CIC: variants seen among roughly 807,000 people sequenced by gnomAD.
CIC encodes the protein capicua transcriptional repressor, also known as protein capicua homolog.
In CIC, 18 loss-of-function variants were observed where a neutral mutation model predicts 115.7. The observed-to-expected ratio is 0.16, with a 90% CI of 0.11 to 0.23. The LOEUF (loss-of-function observed/expected upper bound fraction) is 0.23. CIC is among the 10% of genes least tolerant of loss of function. The pLI is 1.00. For missense variants in CIC, 2,000 were observed against 2,159.3 expected, an observed-to-expected ratio of 0.93 and a Z score of 1.46; for synonymous variants, 1,076 against 923.0, an observed-to-expected ratio of 1.17 and a Z score of -3.01.
rs2147086969 is a variant in CIC at position 42,280,726 on chromosome 19, G to A, written c.2795-6045G>A. ...TTGTGGAGCCTGCCGGGGGTTGGCTGGGGGCCAGGCGGCGAGTGGAAAATC... is the reference window on the plus strand; with the variant it reads ...TTGTGGAGCCTGCCGGGGGTTGGCTAGGGGCCAGGCGGCGAGTGGAAAATC... On this transcript the variant is annotated intron_variant, in intron 2 of 20. Coordinates refer to ENST00000681038, the MANE Select transcript of CIC (RefSeq NM_001386298.1). The surrounding 1 kb of genome is among the most constrained non-coding windows in gnomAD (Gnocchi z 4.9). Among the ~76,000 whole-genome samples, 1 of 152,190 alleles carries A rather than the reference G, an allele frequency of 6.6e-6. No individual in the cohort carries two copies. The highest frequency in any genetic ancestry group is 1.5e-5 in the Non-Finnish European group (1 of 67,982).
intron 2 of CIC, 37 bp downstream of exon 2, chr19:42,274,614 C>A (rs1736803623): frequency 2.5e-6 from 1 of 398,568 alleles, no homozygotes; most frequent in Non-Finnish European, 4.4e-6. Context: ...GCCAGGCTCA[C>A]CTCGTAGAGG....
chr19:42,294,601 C>T lies in CIC; in HGVS notation c.7055-3C>T. The T allele has an allele frequency of 6.2e-7, 1 of 1,613,314 alleles. No individual in the cohort carries two copies. Among genetic ancestry groups the T allele is most frequent in the Non-Finnish European group, 8.5e-7 (1 of 1,179,954 alleles). ...CTTGCCATGCTGCCTGTGCCCTGCA[C>T]AGGTACAGAAGCCGAGGACGTGCTT... On this transcript the variant is annotated splice_region_variant and splice_polypyrimidine_tract_variant and intron_variant, in intron 19 of 20. Coordinates refer to ENST00000681038, the MANE Select transcript of CIC (RefSeq NM_001386298.1).
chr19:42,283,385 G>A (rs938586299), intron 2 of CIC, among the ~76,000 whole-genome samples: 6 of 152,092 alleles, frequency 3.9e-5, no homozygotes, highest in Non-Finnish European at 7.4e-5. Context: ...GAACAGGATG[G>A]GTGAATGCAC....
chr19:42,294,764 C>T, intron 20 of CIC, 29 bp downstream of exon 20: 1 of 1,611,472 alleles, frequency 6.2e-7, no homozygotes, highest in Non-Finnish European at 8.5e-7. Flanking sequence ...CTTGGGGTCA[C>T]TCGGGTGGGA....
Position 42,290,462 on chromosome 19 carries a change from G to A in CIC, c.4421G>A (p.Gly1474Asp), listed in dbSNP as rs755036239. The A allele has an allele frequency of 9.3e-6, 15 of 1,613,890 alleles. No homozygotes were observed. In the Admixed American group the frequency reaches 1.7e-4, roughly 18 times the overall value. ...GTFKAQESGQ[G>D]STAGPLRPPP... ...TTCAAGGCCCAGGAGTCTGGTCAGG[G>A]CAGCACAGCGGGCCCCCTACGGCCC... Residue 1474 changes from glycine to aspartate, a missense_variant, in exon 11 of 21, where the codon GGC becomes GAC. Around this residue, in one of 8 missense-constraint regions of CIC, gnomAD observed 1,466 missense variants for 1,390.4 expected, o/e 1.05. Coordinates refer to ENST00000681038, the MANE Select transcript of CIC (RefSeq NM_001386298.1).
At chr19:42,294,137 G>C (rs1468908873) in intron 18 of CIC, 36 bp from the exon 19 acceptor site, 1 of 1,613,798 alleles carries the variant, frequency 6.2e-7, no homozygotes, top group South Asian at 1.1e-5. Context: ...GGGCAGACTG[G>C]GGCCACCTGC....
chr19:42,276,158 G>C (rs932231199), intron 2 of CIC, among the ~76,000 whole-genome samples: 2 of 152,250 alleles, frequency 1.3e-5, no homozygotes, highest in Non-Finnish European at 2.9e-5. Flanking sequence ...GCAGAGGAAA[G>C]AGTTTGTGCA....
chr19:42,291,837 A>T (rs1353375066), intron 12 of CIC, 92 bp downstream of exon 12: 2 of 1,490,814 alleles, frequency 1.3e-6, no homozygotes, highest in Non-Finnish European at 1.9e-6. Context: ...CTCCTTCTCC[A>T]TGTATCTGGT....
rs763614955 is a variant in CIC, at chr19:42,292,473, G to A, written c.5902+7G>A. 23 of 1,611,020 alleles carry A rather than the reference G, an allele frequency of 1.4e-5. No individual in the cohort carries two copies. In the Admixed American group the frequency reaches 2.3e-4, roughly 16 times the overall value. On this transcript the variant is annotated splice_region_variant and intron_variant, in intron 14 of 20. Coordinates refer to ENST00000681038, the MANE Select transcript of CIC (RefSeq NM_001386298.1). ...GTGCAGCCCCTGCTCTCAGGTGAGG[G>A]GCGGCCTGGCAGGCAGTGCTGGGGA...
chr19:42,282,601 T>C (rs1378540343), intron 2 of CIC, among the ~76,000 whole-genome samples: 2 of 152,172 alleles, frequency 1.3e-5, no homozygotes, highest in African/African-American at 4.8e-5. Flanking sequence ...CCAGCCTCTG[T>C]TTGGAGTTCC....
Position 42,291,369 on chromosome 19 carries a change from A to T in CIC, c.5328A>T (p.Pro1776=), listed in dbSNP as rs762859691. 1.9e-6 allele frequency: 3 copies of T among 1,612,206 alleles called. No homozygotes were observed. The South Asian group carries it at 3.3e-5, about 18-fold the overall frequency. The change falls in exon 11 of 21, where the codon CCA becomes CCT. Residue 1776 remains proline (P), a synonymous_variant. Coordinates refer to ENST00000681038, the MANE Select transcript of CIC (RefSeq NM_001386298.1). The part of the protein sequence containing the change: ...APTTSIRFTL[P]PGTSTNGKVL... Reference sequence around the variant, plus strand: ...CCACCAGCATCCGTTTCACCCTCCCACCGGGCACTTCCACCAACGGCAAAG... The same window carrying T: ...CCACCAGCATCCGTTTCACCCTCCCTCCGGGCACTTCCACCAACGGCAAAG...
At position 42,293,720 on chromosome 19, in the gene CIC, G is replaced by A; in HGVS notation, c.6651G>A (p.Glu2217=). 1 of 1,612,954 alleles carries A rather than the reference G, an allele frequency of 6.2e-7. No homozygotes were observed. The highest frequency in any genetic ancestry group is 8.5e-7 in the Non-Finnish European group (1 of 1,179,830). ...CTGTAGCCCCTGGTGGCAGCAGCGAGAGCAGCAGTGGGCGGGCAGCCGGGG... is the reference window on the plus strand; with the variant it reads ...CTGTAGCCCCTGGTGGCAGCAGCGAAAGCAGCAGTGGGCGGGCAGCCGGGG... The part of the protein sequence containing the change: ...APAVAPGGSS[E]SSSGRAAGDT... Residue 2217 remains glutamate, a synonymous_variant, in exon 17 of 21, where the codon GAG becomes GAA. Coordinates refer to ENST00000681038, the MANE Select transcript of CIC (RefSeq NM_001386298.1).
rs2038306585 is a variant in CIC, at chr19:42,293,575, G to A, written c.6523-17G>A. 6.2e-7 allele frequency: 1 copy of A among 1,613,748 alleles called. No homozygotes were observed. Among genetic ancestry groups the A allele is most frequent in the African/African-American group, 1.3e-5 (1 of 75,056 alleles). On this transcript the variant is annotated splice_polypyrimidine_tract_variant and intron_variant, in intron 16 of 20. Coordinates refer to ENST00000681038, the MANE Select transcript of CIC (RefSeq NM_001386298.1). The stretch of plus-strand genomic sequence containing the variant: ...TGAGCTCAGTGTTCGCCATCTCCCT[G>A]CCCATCTCCACCCCAGGCCAGCAAA...
At chr19:42,271,364 A>G (rs955734433) in intron 1 of CIC, among the ~76,000 whole-genome samples, 1 of 152,192 alleles carries the variant, frequency 6.6e-6, no homozygotes, top group Non-Finnish European at 1.5e-5. Flanking sequence ...CTCAGGTGTG[A>G]AATGAGGCCG....
At position 42,289,259 on chromosome 19, in the gene CIC, G is replaced by C. The variant is rs746358711; in HGVS notation, c.3940G>C (p.Gly1314Arg). 1 of 1,613,762 alleles carries C rather than the reference G, an allele frequency of 6.2e-7. No individual in the cohort carries two copies. The highest frequency in any genetic ancestry group is 8.5e-7 in the Non-Finnish European group (1 of 1,180,024). ...AGCTCCAGGACCCTTTGCAGCCCCT[G>C]GTGAGGGAGGTGCCTTGGCGGCCAC... ...YGAPGPFAAPGEGGALAATGR... is the reference protein window; with the variant it reads ...YGAPGPFAAPREGGALAATGR... The change falls in exon 9 of 21, where the codon GGT becomes CGT. Residue 1314 changes from glycine (G) to arginine (R), a missense_variant. Transcript: ENST00000681038.
intron 2 of CIC, among the ~76,000 whole-genome samples, chr19:42,275,733 C>T (rs1002810811): frequency 3.9e-5 from 6 of 152,144 alleles, no homozygotes; most frequent in Non-Finnish European, 7.4e-5. Flanking sequence ...AGGCTGGTCT[C>T]GAATTCCTGG....
chr19:42,293,713 G>A lies in CIC; in HGVS notation c.6644G>A (p.Ser2215Asn), dbSNP rs2147333272. 6.2e-7 allele frequency: 1 copy of A among 1,612,832 alleles called. No individual in the cohort carries two copies. Among genetic ancestry groups the A allele is most frequent in the Non-Finnish European group, 8.5e-7 (1 of 1,179,768 alleles). ...GCTCCAGCTGTAGCCCCTGGTGGCA[G>A]CAGCGAGAGCAGCAGTGGGCGGGCA... ...APAPAVAPGGSSESSSGRAAG... is the reference protein window; with the variant it reads ...APAPAVAPGGNSESSSGRAAG... Residue 2215 changes from serine to asparagine, a missense_variant, in exon 17 of 21, where the codon AGC becomes AAC. Around this residue, in one of 8 missense-constraint regions of CIC, gnomAD observed 1,466 missense variants for 1,390.4 expected, o/e 1.05. Transcript: ENST00000681038.
At position 42,270,749 on chromosome 19, in the gene CIC, G is replaced by C. The variant is rs533624530; in HGVS notation, c.-10-1025G>C. On this transcript the variant is annotated intron_variant, in intron 1 of 20. Transcript: ENST00000681038. This position sits in a 1 kb window ranked among gnomAD's most constrained non-coding sequence, Gnocchi z 4.1. The stretch of plus-strand genomic sequence containing the variant: ...TTGCGGGTATCACGCTGGGTGCTGT[G>C]GGGGGAGGAGCAGGCTCCCATCCAG... 2.2e-4 allele frequency among the ~76,000 whole-genome samples: 33 copies of C among 152,054 alleles called. No individual in the cohort carries two copies. The highest frequency in any genetic ancestry group is 1.4e-4 in the African/African-American group (6 of 41,482).
chr19:42,292,795 C>T lies in CIC; in HGVS notation c.6132C>T (p.Pro2044=). The T allele has an allele frequency of 6.2e-7, 1 of 1,613,744 alleles. No homozygotes were observed. The highest frequency in any genetic ancestry group is 8.5e-7 in the Non-Finnish European group (1 of 1,179,976). The change falls in exon 15 of 21, where the codon CCC becomes CCT. Residue 2044 remains proline, a synonymous_variant. Transcript: ENST00000681038. ...STTPPAATIL[P]KGPPAPATAT... ...CCCCACCTGCAGCCACCATTCTGCCCAAGGGCCCGCCAGCCCCTGCCACTG... is the reference window on the plus strand; with the variant it reads ...CCCCACCTGCAGCCACCATTCTGCCTAAGGGCCCGCCAGCCCCTGCCACTG...
Sources: gnomAD v4.1 joint callset for allele counts (sites outside exome capture counted in the v4.1 genomes callset) on GRCh38, gnomAD v4.1.1 for gene constraint, gnomAD v4.1.1 regional missense constraint, Gnocchi (gnomAD v3.1) non-coding constraint, MANE v1.5 for transcripts, NCBI Gene and HGNC (gene_info 2026-07-23, HGNC 2026-07-21) for gene names.